Variants in RGL2 observed in about 807,000 individuals in gnomAD.
RGL2 encodes ral guanine nucleotide dissociation stimulator like 2.
In RGL2, 40 loss-of-function variants were observed where a neutral mutation model predicts 84.6. The observed-to-expected ratio is 0.47, with a 90% CI of 0.37 to 0.62. The LOEUF (loss-of-function observed/expected upper bound fraction) is 0.62. Among genes scored for constraint, RGL2 ranks in the 20% least tolerant of loss-of-function variants. The pLI, the probability that RGL2 is intolerant of heterozygous loss-of-function variation, is 0.00. For missense variants in RGL2, 865 were observed against 1,019.7 expected (o/e 0.85, Z 2.07); for synonymous variants, 369 against 417.3 (o/e 0.88, Z 1.41).
In RGL2 at chr6:33,294,873, CCT is replaced by C; in HGVS notation, c.1278+102_1278+103del. On this transcript the variant is annotated intron_variant, in intron 10 of 17. Transcript: ENST00000497454. This position sits in a 1 kb window ranked among gnomAD's most constrained non-coding sequence, Gnocchi z 5.0. ...GAGAACAGATTTCATTCTCCTCACC[CCT>C]CTGTGCCTCCCTTACCCATCCTTCA... The C allele has an allele frequency of 1.3e-6, 2 of 1,484,208 alleles. No homozygotes were observed. Among genetic ancestry groups the C allele is most frequent in the African/African-American group, 1.4e-5 (1 of 72,092 alleles). The allele number at this position is 1,484,208 out of a possible 1,614,324, so 91.9% of individuals were successfully genotyped here. A position where few individuals can be genotyped will look rare whatever the true frequency, so the allele number is the denominator to read the frequency against.
Position 33,297,438 on chromosome 6 carries a change from GC to G in RGL2, c.157-324del. 2.9e-6 allele frequency: 1 copy of G among 341,546 alleles called. No homozygotes were observed. The highest frequency in any genetic ancestry group is 5.4e-6 in the Non-Finnish European group (1 of 186,082). The allele number at this position is 341,546 out of a possible 1,614,324, so 21.2% of individuals were successfully genotyped here. Reference sequence around the variant, plus strand: ...AGCTGAACCCACACACGACAGAGAAGCAGGGTACAAAGGGCAGGAGAGGGAA... The same window carrying G: ...AGCTGAACCCACACACGACAGAGAAGAGGGTACAAAGGGCAGGAGAGGGAA... On this transcript the variant is annotated intron_variant, in intron 2 of 17. Transcript: ENST00000497454. The surrounding 1 kb of genome is among the most constrained non-coding windows in gnomAD (Gnocchi z 4.0).
rs1160525120 is a variant in RGL2 at position 33,298,160 on chromosome 6, G to C, written c.156+295C>G. 9.2e-6 allele frequency: 3 copies of C among 325,260 alleles called. No individual in the cohort carries two copies. Among genetic ancestry groups the C allele is most frequent in the African/African-American group, 4.3e-5 (2 of 46,260 alleles). 20.1% of individuals were successfully genotyped at this position (325,260 alleles called of 1,614,324 possible). A position where few individuals can be genotyped will look rare whatever the true frequency, so the allele number is the denominator to read the frequency against. On this transcript the variant is annotated intron_variant, in intron 2 of 17. Transcript: ENST00000497454. This position sits in a 1 kb window ranked among gnomAD's most constrained non-coding sequence, Gnocchi z 4.8. ...AGGGACCAAGACACGACTGCTCAGA[G>C]AGGTAGGCACACTCAGGCAGGCAGA...
In RGL2 at chr6:33,296,696, G is replaced by A. The variant is rs371109469; in HGVS notation, c.321C>T (p.Thr107=). The change falls in exon 4 of 18, where the codon ACC becomes ACT. Residue 107 remains threonine (T), a synonymous_variant. Transcript: ENST00000497454. The surrounding 1 kb of genome is among the most constrained non-coding windows in gnomAD (Gnocchi z 5.0). The stretch of plus-strand genomic sequence containing the variant: ...AGCTCACATCAGTCCCTGATGTCCG[G>A]GTATCCAGTAGGTGTCTGACCAGGG... ...LEALVRHLLD[T]RTSGTDVSFM... is the part of the protein sequence containing the mutation. 2.7e-5 allele frequency: 44 copies of A among 1,613,818 alleles called. No homozygotes were observed. The highest frequency in any genetic ancestry group is 2.1e-4 in the African/African-American group (16 of 74,874).
Position 33,298,614 on chromosome 6 carries a change from C to T in RGL2, c.-4G>A. 1 of 1,434,004 alleles carries T rather than the reference C, an allele frequency of 7.0e-7. No homozygotes were observed. Among genetic ancestry groups the T allele is most frequent in the Non-Finnish European group, 9.2e-7 (1 of 1,091,412 alleles). The allele number at this position is 1,434,004 out of a possible 1,614,324, so 88.8% of individuals were successfully genotyped here. ...GCCGCAGGGGCCGCGGGAGCATGGC[C>T]GAGTGAAGGAATCAGCGGGGTCGGG... is the stretch of plus-strand genomic sequence containing the variant. On this transcript the variant is annotated 5_prime_UTR_variant, in exon 2 of 18. Coordinates refer to ENST00000497454, the MANE Select transcript of RGL2 (RefSeq NM_004761.5). This position sits in a 1 kb window ranked among gnomAD's most constrained non-coding sequence, Gnocchi z 4.8.
chr6:33,293,784 C>T lies in RGL2; in HGVS notation c.1508+11G>A. ...CAGAACCCTGGAGTCCCAACCTCAC[C>T]CGCCAGTCACCTCTGAGCCTCTGTC... is the stretch of plus-strand genomic sequence containing the variant. On this transcript the variant is annotated intron_variant, in intron 13 of 17. Coordinates refer to ENST00000497454, the MANE Select transcript of RGL2 (RefSeq NM_004761.5). The surrounding 1 kb of genome is among the most constrained non-coding windows in gnomAD (Gnocchi z 7.0). The T allele has an allele frequency of 1.9e-6, 3 of 1,613,938 alleles. No homozygotes were observed. Among genetic ancestry groups the T allele is most frequent in the Non-Finnish European group, 2.5e-6 (3 of 1,179,834 alleles).
At position 33,295,437 on chromosome 6, in the gene RGL2, G is replaced by C; in HGVS notation, c.1021-15C>G. On this transcript the variant is annotated splice_polypyrimidine_tract_variant and intron_variant, in intron 7 of 17. Transcript: ENST00000497454. The surrounding 1 kb of genome is among the most constrained non-coding windows in gnomAD (Gnocchi z 7.2). ...AGCCGGCACTCCTGTGGGGGTCAAAGAAGAGAGCTAAGGCTATGGGAGGCC... is the reference window on the plus strand; with the variant it reads ...AGCCGGCACTCCTGTGGGGGTCAAACAAGAGAGCTAAGGCTATGGGAGGCC... The C allele has an allele frequency of 1.2e-6, 2 of 1,613,198 alleles. No individual in the cohort carries two copies. Among genetic ancestry groups the C allele is most frequent in the Non-Finnish European group, 1.7e-6 (2 of 1,179,998 alleles).
chr6:33,292,315 T>C lies in RGL2; in HGVS notation c.2123-2A>G. ...TAGCCGAGGCTGGGATAGTCAGCTC[T>C]GAAGGTTCAGGGGATGGATGTAAAG... is the stretch of plus-strand genomic sequence containing the variant. On this transcript the variant is annotated splice_acceptor_variant, in intron 17 of 17. Coordinates refer to ENST00000497454, the MANE Select transcript of RGL2 (RefSeq NM_004761.5). LOFTEE classifies it high-confidence loss of function. The C allele has an allele frequency of 1.2e-6, 2 of 1,613,408 alleles. No homozygotes were observed. Among genetic ancestry groups the C allele is most frequent in the Non-Finnish European group, 1.7e-6 (2 of 1,179,450 alleles).
Position 33,295,922 on chromosome 6 carries a change from G to A in RGL2, c.768+106C>T. The A allele has an allele frequency of 2.0e-6, 3 of 1,475,588 alleles. No homozygotes were observed. The highest frequency in any genetic ancestry group is 2.8e-6 in the Non-Finnish European group (3 of 1,070,938). The allele number at this position is 1,475,588 out of a possible 1,614,324, so 91.4% of individuals were successfully genotyped here. A position where few individuals can be genotyped will look rare whatever the true frequency, so the allele number is the denominator to read the frequency against. On this transcript the variant is annotated intron_variant, in intron 6 of 17. Coordinates refer to ENST00000497454, the MANE Select transcript of RGL2 (RefSeq NM_004761.5). This position sits in a 1 kb window ranked among gnomAD's most constrained non-coding sequence, Gnocchi z 7.2. ...GAGAATCAAAATGGTAGGTGGAGGA[G>A]GCTAGGAGCTGGATCAGGAAGGGGT...
rs1768235447 is a variant in RGL2 at position 33,298,469 on chromosome 6, C to G, written c.142G>C (p.Glu48Gln). 2.0e-6 allele frequency: 3 copies of G among 1,503,338 alleles called. No homozygotes were observed. Among genetic ancestry groups the G allele is most frequent in the Non-Finnish European group, 2.7e-6 (3 of 1,109,796 alleles). The allele number at this position is 1,503,338 out of a possible 1,614,324, so 93.1% of individuals were successfully genotyped here. ...VVGGGQEEEE[E>Q]EEEEAPVSVW... ...CCGCGTCTCACCTCTTCTTCTTCCT[C>G]CTCCTCTTCCTCCTGCCCCCCGCCC... Residue 48 changes from glutamate to glutamine, a missense_variant, in exon 2 of 18, where the codon GAG becomes CAG. Physicochemically the swap from Glu to Gln is conservative, Grantham distance 29. Transcript: ENST00000497454. The surrounding 1 kb of genome is among the most constrained non-coding windows in gnomAD (Gnocchi z 4.8).
rs1182750442 is a variant in RGL2 at position 33,294,828 on chromosome 6, T to G, written c.1279-66A>C. 8 of 1,554,648 alleles carry G rather than the reference T, an allele frequency of 5.1e-6. No individual in the cohort carries two copies. The South Asian group carries it at 9.1e-5, about 18-fold the overall frequency. ...GTGAGGGCCCTCCATCCCTCCGCAC[T>G]TGCCCTCCTCATTGCCTCAGAGAAC... On this transcript the variant is annotated intron_variant, in intron 10 of 17. Coordinates refer to ENST00000497454, the MANE Select transcript of RGL2 (RefSeq NM_004761.5). The surrounding 1 kb of genome is among the most constrained non-coding windows in gnomAD (Gnocchi z 5.0).
Position 33,293,586 on chromosome 6 carries a change from A to G in RGL2, c.1604+18T>C, listed in dbSNP as rs1313912289. ...TGGAAGTCCCAAGAAACCACCCCCC[A>G]GCCAGTGAATCTCTCACTCTGTCCA... On this transcript the variant is annotated intron_variant, in intron 14 of 17. Coordinates refer to ENST00000497454, the MANE Select transcript of RGL2 (RefSeq NM_004761.5). This position sits in a 1 kb window ranked among gnomAD's most constrained non-coding sequence, Gnocchi z 7.0. The G allele has an allele frequency of 6.2e-7, 1 of 1,613,398 alleles. No homozygotes were observed.
rs1185473521 is a variant in RGL2, at chr6:33,294,026, C to T, written c.1386+8G>A. On this transcript the variant is annotated splice_region_variant and intron_variant, in intron 12 of 17. Coordinates refer to ENST00000497454, the MANE Select transcript of RGL2 (RefSeq NM_004761.5). This position sits in a 1 kb window ranked among gnomAD's most constrained non-coding sequence, Gnocchi z 5.0. ...AAGTCCAGCATCCAGCCCAGACACT[C>T]CGCTCACCTTCCTCCGCTTGTCAAA... is the stretch of plus-strand genomic sequence containing the variant. The T allele has an allele frequency of 3.1e-6, 5 of 1,613,900 alleles. No homozygotes were observed. The South Asian group carries it at 5.5e-5, about 18-fold the overall frequency.
In RGL2 at chr6:33,295,001, G is replaced by T; in HGVS notation, c.1254C>A (p.Ala418=). ...QSPLEPHSKK[A]PRSGSRGGGV... ...CCCCACCCCGGGAGCCAGACCTCGG[G>T]GCCTTCTTGGAGTGTGGCTCCAGAG... The change falls in exon 10 of 18, where the codon GCC becomes GCA. Residue 418 remains alanine (A), a synonymous_variant. Transcript: ENST00000497454. The surrounding 1 kb of genome is among the most constrained non-coding windows in gnomAD (Gnocchi z 7.2). The T allele has an allele frequency of 6.3e-7, 1 of 1,583,798 alleles. No individual in the cohort carries two copies. Among genetic ancestry groups the T allele is most frequent in the Non-Finnish European group, 8.6e-7 (1 of 1,164,520 alleles).
chr6:33,292,203 T>C lies in RGL2; in HGVS notation c.2233A>G (p.Ser745Gly). 1 of 1,614,204 alleles carries C rather than the reference T, an allele frequency of 6.2e-7. No individual in the cohort carries two copies. Residue 745 changes from serine (S) to glycine (G), a missense_variant, in exon 18 of 18, where the codon AGT becomes GGT. By Grantham distance (56) the Ser-to-Gly change is moderately conservative (BLOSUM62 0). This residue lies in a region of RGL2 where 302 missense variants were observed against 327.9 expected (regional missense o/e 0.92). Coordinates refer to ENST00000497454, the MANE Select transcript of RGL2 (RefSeq NM_004761.5). Reference sequence around the variant, plus strand: ...GGAGTTCCTGAGGCAGACGGGCCACTGGTGACGCCAGGTGTAGCAGTAGAG... The same window carrying C: ...GGAGTTCCTGAGGCAGACGGGCCACCGGTGACGCCAGGTGTAGCAGTAGAG... ...RSSTATPGVT[S>G]GPSASGTPPS... is the part of the protein sequence containing the mutation.
Position 33,296,328 on chromosome 6 carries a change from G to C in RGL2, c.471-3C>G, listed in dbSNP as rs1322462153. ...TTGACAGTACAGAGATGGCTACCCT[G>C]GGAGAAGGGAATCAGCCAAGGGTGA... On this transcript the variant is annotated splice_polypyrimidine_tract_variant and splice_region_variant and intron_variant, in intron 5 of 17. Coordinates refer to ENST00000497454, the MANE Select transcript of RGL2 (RefSeq NM_004761.5). This position sits in a 1 kb window ranked among gnomAD's most constrained non-coding sequence, Gnocchi z 5.0. The C allele has an allele frequency of 6.2e-6, 10 of 1,609,230 alleles. No individual in the cohort carries two copies. Among genetic ancestry groups the C allele is most frequent in the Non-Finnish European group, 8.5e-6 (10 of 1,177,214 alleles).
At chr6:33,292,626 A>G (rs968435329) in intron 16 of RGL2, 82 bp from the exon 17 acceptor site, 16 of 1,138,976 alleles carry the variant, frequency 1.4e-5, no homozygotes, top group Non-Finnish European at 2.0e-5. Context: ...ACCCAACCAC[A>G]AAATGTTACT....
chr6:33,294,109 T>C lies in RGL2; in HGVS notation c.1354-43A>G. 6.3e-7 allele frequency: 1 copy of C among 1,590,946 alleles called. No homozygotes were observed. Among genetic ancestry groups the C allele is most frequent in the Admixed American group, 1.7e-5 (1 of 57,902 alleles). On this transcript the variant is annotated intron_variant, in intron 11 of 17. Coordinates refer to ENST00000497454, the MANE Select transcript of RGL2 (RefSeq NM_004761.5). The surrounding 1 kb of genome is among the most constrained non-coding windows in gnomAD (Gnocchi z 5.0). ...ATGGGGTGAAAGTTCCAACCCTACC[T>C]TCCGGCCACAGAGAGAGAATATCCC...
chr6:33,298,887 G>A lies in RGL2; in HGVS notation c.-59C>T, dbSNP rs935490108. On this transcript the variant is annotated 5_prime_UTR_variant, in exon 1 of 18. Transcript: ENST00000497454. The surrounding 1 kb of genome is among the most constrained non-coding windows in gnomAD (Gnocchi z 4.8). The stretch of plus-strand genomic sequence containing the variant: ...GCTCTGACCTGCTCGGGAGGGGTGG[G>A]GGCAGCGTGGGTCCTGAGCCGCTGT... 3.9e-5 allele frequency: 13 copies of A among 330,246 alleles called. No homozygotes were observed. Among genetic ancestry groups the A allele is most frequent in the Non-Finnish European group, 7.2e-5 (13 of 181,654 alleles). The allele number at this position is 330,246 out of a possible 1,614,324, so 20.5% of individuals were successfully genotyped here.
In RGL2 at chr6:33,294,984, C is replaced by G. The variant is rs866886735; in HGVS notation, c.1271G>C (p.Arg424Pro). 7 of 1,577,966 alleles carry G rather than the reference C, an allele frequency of 4.4e-6. No individual in the cohort carries two copies. The highest frequency in any genetic ancestry group is 6.0e-6 in the Non-Finnish European group (7 of 1,161,720). Reference sequence around the variant, plus strand: ...ACCCCGCTAGTCACTCACCCCACCCCGGGAGCCAGACCTCGGGGCCTTCTT... The same window carrying G: ...ACCCCGCTAGTCACTCACCCCACCCGGGGAGCCAGACCTCGGGGCCTTCTT... ...HSKKAPRSGS[R>P]GGGVVPYLGT... Residue 424 changes from arginine to proline, a missense_variant, in exon 10 of 18, where the codon CGG becomes CCG. This residue lies in a region of RGL2 where 455 missense variants were observed against 507.8 expected (regional missense o/e 0.90). Transcript: ENST00000497454. The surrounding 1 kb of genome is among the most constrained non-coding windows in gnomAD (Gnocchi z 5.0).
Sources: allele counts gnomAD v4.1 joint callset, GRCh38; gene constraint gnomAD v4.1.1; regional missense constraint gnomAD v4.1.1; non-coding constraint Gnocchi (gnomAD v3.1); transcripts MANE v1.5; gene names NCBI Gene and HGNC (gene_info 2026-07-23, HGNC 2026-07-21).